The following TENM2 variants were observed in gnomAD, a reference collection of about 807,000 sequenced individuals.
The protein encoded by TENM2 is teneurin-2.
In TENM2, 52 loss-of-function variants were observed where a neutral mutation model predicts 245.2. The ratio of observed to expected loss-of-function variants is 0.21; its 90% confidence interval spans 0.17 to 0.27. TENM2 has a LOEUF of 0.27. Among genes scored for constraint, TENM2 ranks in the 10% least tolerant of loss-of-function variants. The pLI, the probability that TENM2 is intolerant of heterozygous loss-of-function variation, is 1.00. For missense variants in TENM2, 3,046 were observed against 3,666.8 expected (o/e 0.83, Z 4.37); for synonymous variants, 1,363 against 1,438.9 (o/e 0.95, Z 1.19).
At chr5:167,697,676 C>T (rs1020210224) in intron 2 of TENM2, among the ~76,000 whole-genome samples, 10 of 152,254 alleles carry the variant, frequency 6.6e-5, no homozygotes, top group African/African-American at 2.4e-4. Flanking sequence ...AGGCACCCGC[C>T]ACCATGTCCA....
intron 5 of TENM2, among the ~76,000 whole-genome samples, chr5:168,000,891 G>A (rs187480399): frequency 6.6e-6 from 1 of 152,266 alleles, no homozygotes; most frequent in East Asian, 1.9e-4. Context: ...GCACACAATA[G>A]AAGCTCAACT....
chr5:167,314,337 G>A (rs1756223503), intron 1 of TENM2, among the ~76,000 whole-genome samples: 1 of 152,120 alleles, frequency 6.6e-6, no homozygotes, highest in Admixed American at 6.6e-5. Flanking sequence ...TAAGTAGGTT[G>A]TTAATAAAAT....
chr5:167,323,606 A>T (rs2127775865), intron 1 of TENM2, among the ~76,000 whole-genome samples: 1 of 152,274 alleles, frequency 6.6e-6, no homozygotes, highest in Non-Finnish European at 1.5e-5. Context: ...AAGAAGTCAA[A>T]AAATTGAGAA....
chr5:168,260,185 AC>A, intron 27 of TENM2, 97 bp from the exon 30 acceptor site: 1 of 1,373,396 alleles, frequency 7.3e-7, no homozygotes, highest in Non-Finnish European at 1.0e-6. Context: ...TGGGCCCTAC[AC>A]CCAACCACCC....
intron 2 of TENM2, among the ~76,000 whole-genome samples, chr5:167,444,377 G>A (rs1765046443): frequency 6.6e-6 from 1 of 151,912 alleles, no homozygotes; most frequent in Admixed American, 6.6e-5. Flanking sequence ...TGTAACAAAT[G>A]AACAAGCTGT....
chr5:168,156,268 AC>A (rs1757174493), intron 12 of TENM2, among the ~76,000 whole-genome samples: 1 of 144,012 alleles, frequency 6.9e-6, no homozygotes. Context: ...AAAAAAAAAC[AC>A]TTTTTTTTTT....
intron 2 of TENM2, among the ~76,000 whole-genome samples, chr5:167,804,957 T>A (rs1438426546): frequency 1.3e-5 from 2 of 152,164 alleles, no homozygotes; most frequent in Non-Finnish European, 2.9e-5. Context: ...ACACCAGTAT[T>A]TGAGGCTGAA....
chr5:168,223,410 T>C (rs1041183509), intron 23 of TENM2, among the ~76,000 whole-genome samples: 6 of 152,208 alleles, frequency 3.9e-5, no homozygotes, highest in African/African-American at 1.4e-4. Context: ...TGTTTTCTGA[T>C]GTTTTAAATA....
intron 3 of TENM2, among the ~76,000 whole-genome samples, chr5:167,911,746 C>T (rs1410217691): frequency 6.6e-6 from 1 of 152,146 alleles, no homozygotes; most frequent in East Asian, 1.9e-4. Flanking sequence ...AGCTGTGTGC[C>T]AGGCAGTGTC....
At chr5:167,780,485 T>C (rs1440737927) in intron 2 of TENM2, among the ~76,000 whole-genome samples, 1 of 152,186 alleles carries the variant, frequency 6.6e-6, no homozygotes, top group East Asian at 1.9e-4. Context: ...TTGTGTACTT[T>C]TTGTTGGTGA....
intron 2 of TENM2, among the ~76,000 whole-genome samples, chr5:167,514,266 T>C (rs965685683): frequency 1.3e-5 from 2 of 152,148 alleles, no homozygotes; most frequent in African/African-American, 4.8e-5. Context: ...GAGCCAACCA[T>C]ACTACAGAGA....
intron 2 of TENM2, among the ~76,000 whole-genome samples, chr5:167,817,587 A>G (rs1467038133): frequency 1.3e-5 from 2 of 152,228 alleles, no homozygotes; most frequent in African/African-American, 2.4e-5. Flanking sequence ...TGTGAAAAGT[A>G]GAACCTTTTC....
the TENM2 span, among the ~76,000 whole-genome samples, chr5:167,065,690 T>G: frequency 6.6e-6 from 1 of 152,232 alleles, no homozygotes; most frequent in Non-Finnish European, 1.5e-5. Flanking sequence ...AGGAATCAAT[T>G]CTGGCTATTG....
intron 2 of TENM2, among the ~76,000 whole-genome samples, chr5:167,454,638 C>T (rs533718718): frequency 6.6e-6 from 1 of 152,186 alleles, no homozygotes; most frequent in East Asian, 1.9e-4. Flanking sequence ...TCTCCTCGCC[C>T]TGCCCCATCT....
In TENM2 at chr5:168,141,799, C is replaced by T. The variant is rs374587002; in HGVS notation, c.2422+14833C>T. On this transcript the variant is annotated intron_variant, in intron 12 of 28. Coordinates refer to ENST00000518659, the Ensembl canonical transcript of TENM2. ...CCACTTGGCTATGCAGAATGAAAAC[C>T]GTACAGGCTTTCAAAGGCCAGCTGA... Among the ~76,000 whole-genome samples the T allele has an allele frequency of 8.1e-4, 123 of 152,288 alleles. 2 individuals are homozygous for T. In the South Asian group the frequency reaches 0.023, roughly 29 times the overall value.
chr5:168,089,708 T>G (rs1361064631), intron 7 of TENM2, among the ~76,000 whole-genome samples: 1 of 152,240 alleles, frequency 6.6e-6, no homozygotes, highest in Non-Finnish European at 1.5e-5. Context: ...GTTGCTTGAC[T>G]TCTCTGAGCC....
the TENM2 span, among the ~76,000 whole-genome samples, chr5:167,013,907 G>A: frequency 1.3e-5 from 2 of 152,144 alleles, no homozygotes; most frequent in Non-Finnish European, 2.9e-5. Flanking sequence ...TATTGGTAAG[G>A]GAATGTCGAG....
the TENM2 span, among the ~76,000 whole-genome samples, chr5:167,009,484 G>A: frequency 0.52 from 78,474 of 151,918 alleles, 20,584 homozygotes; most frequent in Non-Finnish European, 0.56. Context: ...TTTGGAATAA[G>A]GTGTTAAAAA....
intron 23 of TENM2, among the ~76,000 whole-genome samples, chr5:168,224,455 C>CAA (rs940508672): frequency 3.3e-5 from 5 of 152,210 alleles, no homozygotes; most frequent in Non-Finnish European, 7.3e-5. Flanking sequence ...TTCCCAGAAG[C>CAA]AAAGTTTCTC....
Sources: allele counts gnomAD v4.1 joint callset (sites outside exome capture counted in the v4.1 genomes callset), GRCh38; gene constraint gnomAD v4.1.1; transcripts MANE v1.5; gene names NCBI Gene and HGNC (gene_info 2026-07-23, HGNC 2026-07-21).